The following TLN2 variants were observed in gnomAD, a reference collection of about 807,000 sequenced individuals.
The protein encoded by TLN2 is talin 2.
In TLN2, 118 loss-of-function variants were observed where a neutral mutation model predicts 294.7. The ratio of observed to expected loss-of-function variants is 0.40; its 90% CI spans 0.34 to 0.47. TLN2 has a LOEUF of 0.47. TLN2 is among the 20% of genes least tolerant of loss of function. The pLI is 0.84. For synonymous variants in TLN2, 1,431 were observed against 1,304.5 expected (o/e 1.10, Z -2.09); for missense variants, 3,083 against 3,282.2 (o/e 0.94, Z 1.48).
At chr15:62,789,283 C>T (rs535183041) in intron 45 of TLN2, among the ~76,000 whole-genome samples, 3 of 152,246 alleles carry the variant, frequency 2.0e-5, no homozygotes, top group Non-Finnish European at 4.4e-5. Flanking sequence ...GGAGGCAAAG[C>T]CCTGGGTTGA....
At chr15:62,575,763 G>A (rs2044338604) in intron 1 of TLN2, among the ~76,000 whole-genome samples, 1 of 152,202 alleles carries the variant, frequency 6.6e-6, no homozygotes, top group Admixed American at 6.5e-5. Context: ...CAGTGTTCAA[G>A]CTATAGTTTA....
chr15:62,806,086 G>A (rs1205231777), intron 51 of TLN2, among the ~76,000 whole-genome samples: 1 of 152,066 alleles, frequency 6.6e-6, no homozygotes, highest in Admixed American at 6.6e-5. Context: ...TAGCTACTCA[G>A]AATAGTAGCT....
intron 3 of TLN2, chr15:62,640,502 C>G: frequency 2.7e-6 from 1 of 377,348 alleles, no homozygotes; most frequent in Non-Finnish European, 5.2e-6. Context: ...GTGTGCAGAG[C>G]CCCCATTGTG....
intron 2 of TLN2, among the ~76,000 whole-genome samples, chr15:62,600,306 A>G (rs965694249): frequency 2.0e-5 from 3 of 152,340 alleles, no homozygotes; most frequent in African/African-American, 4.8e-5. Context: ...CTTACTTGGC[A>G]TGAACTAAAT....
chr15:62,693,031 T>C (rs2058048590), intron 13 of TLN2, 90 bp downstream of exon 13: 1 of 1,125,654 alleles, frequency 8.9e-7, no homozygotes, highest in Admixed American at 2.2e-5. Flanking sequence ...AAAAAAATCC[T>C]CTTAAATAAT....
chr15:62,649,994 C>T (rs2052402091), intron 4 of TLN2, 90 bp from the exon 5 acceptor site: 14 of 1,291,212 alleles, frequency 1.1e-5, no homozygotes, highest in Non-Finnish European at 1.6e-5. Context: ...ACACCCACAT[C>T]CTTGCTGAGT....
At position 62,593,366 on chromosome 15, in the gene TLN2, T is replaced by G. The variant is rs997177139; in HGVS notation, c.-162+3604T>G. Among the ~76,000 whole-genome samples, 9 of 152,254 alleles carry G rather than the reference T, an allele frequency of 5.9e-5. 1 individual carries two copies. Among genetic ancestry groups the G allele is most frequent in the Admixed American group, 3.3e-4 (5 of 15,284 alleles). ...TGGACCTAGGCTGCGCTCCTCACTC[T>G]GCTGTTTGTGCTTAGTAAATGTTTC... On this transcript the variant is annotated intron_variant, in intron 2 of 58. Transcript: ENST00000636159.
Position 62,419,073 on chromosome 15 carries a change from C to T in TLN2, c.-238+28388C>T, listed in dbSNP as rs370810349. ...GATCAAAATAAAGATCAAGCACTTC[C>T]GATGAAGATTTAGCATTCAGATTGA... On this transcript the variant is annotated intron_variant, in intron 1 of 58. Coordinates refer to ENST00000636159, the MANE Select transcript of TLN2 (RefSeq NM_015059.3). 3.9e-5 allele frequency among the ~76,000 whole-genome samples: 6 copies of T among 152,112 alleles called. No homozygotes were observed. In the South Asian group the frequency reaches 6.2e-4, roughly 16 times the overall value.
rs541145789 is a variant in TLN2, at chr15:62,406,379, A to G, written c.-238+15694A>G. Among the ~76,000 whole-genome samples the G allele has an allele frequency of 1.6e-3, 240 of 152,338 alleles. 4 individuals are homozygous for G. The highest frequency in any genetic ancestry group is 5.4e-3 in the African/African-American group (225 of 41,578). On this transcript the variant is annotated intron_variant, in intron 1 of 58. Coordinates refer to ENST00000636159, the MANE Select transcript of TLN2 (RefSeq NM_015059.3). The stretch of plus-strand genomic sequence containing the variant: ...TGAGGGTTCTTGGCTTTGCCCAGGA[A>G]AGAATTCAAGGGCCAGCTAGAGGTA...
intron 34 of TLN2, 85 bp downstream of exon 34, chr15:62,750,576 C>A: frequency 1.7e-6 from 2 of 1,187,212 alleles, no homozygotes; most frequent in Non-Finnish European, 2.5e-6. Flanking sequence ...GTGCATCTGC[C>A]TGTGGCTGGT....
chr15:62,708,919 A>T, intron 21 of TLN2, 123 bp downstream of exon 21: 1 of 1,173,656 alleles, frequency 8.5e-7, no homozygotes, highest in Non-Finnish European at 1.2e-6. Flanking sequence ...CTTCAGTCTC[A>T]AAGACTTCCC....
rs200219832 is a variant in TLN2 at position 62,686,818 on chromosome 15, G to A, written c.1113+22G>A. On this transcript the variant is annotated intron_variant, in intron 12 of 58. Coordinates refer to ENST00000636159, the MANE Select transcript of TLN2 (RefSeq NM_015059.3). ...ACTGGTAGGGACTGGCAGAGGGCAA[G>A]GAGAGCACTAGCGTGGCCTTGAGTG... is the stretch of plus-strand genomic sequence containing the variant. The A allele has an allele frequency of 1.3e-4, 207 of 1,611,484 alleles. No homozygotes were observed. In the East Asian group the frequency reaches 1.4e-3, roughly 11 times the overall value.
intron 1 of TLN2, among the ~76,000 whole-genome samples, chr15:62,486,452 G>GTTTTT (rs34975634): frequency 1.1e-4 from 10 of 93,290 alleles, no homozygotes; most frequent in East Asian, 2.3e-4. Context: ...CAGTTCCTTT[G>GTTTTT]TTTTTTTTTT....
At chr15:62,673,355 A>G (rs918557530) in intron 9 of TLN2, among the ~76,000 whole-genome samples, 2 of 89,310 alleles carry the variant, frequency 2.2e-5, no homozygotes, top group Admixed American at 3.5e-4. Context: ...CTAAAGTGAA[A>G]ACTACAATAA....
intron 18 of TLN2, 110 bp from the exon 19 acceptor site, chr15:62,702,656 T>G: frequency 9.5e-7 from 1 of 1,054,318 alleles, no homozygotes; most frequent in Non-Finnish European, 1.4e-6. Context: ...ATTCTCACTG[T>G]CAGACAAAGG....
At chr15:62,522,489 C>T (rs1391557483) in intron 1 of TLN2, among the ~76,000 whole-genome samples, 1 of 152,152 alleles carries the variant, frequency 6.6e-6, no homozygotes, top group Non-Finnish European at 1.5e-5. Flanking sequence ...TAGGTCTGTG[C>T]TGAATCCTGG....
At position 62,593,676 on chromosome 15, in the gene TLN2, C is replaced by T. The variant is rs1011839513; in HGVS notation, c.-162+3914C>T. On this transcript the variant is annotated intron_variant, in intron 2 of 58. Transcript: ENST00000636159. Reference sequence around the variant, plus strand: ...AACAATCACTTTTCTTTTTTAGCTGCGAAATTCCATACTGGGAAGATCTAA... The same window carrying T: ...AACAATCACTTTTCTTTTTTAGCTGTGAAATTCCATACTGGGAAGATCTAA... Among the ~76,000 whole-genome samples the T allele has an allele frequency of 6.6e-5, 10 of 152,176 alleles. No individual in the cohort carries two copies. The South Asian group carries it at 8.3e-4, about 13-fold the overall frequency.
At chr15:62,795,151 C>T (rs997137318) in intron 46 of TLN2, among the ~76,000 whole-genome samples, 1 of 152,104 alleles carries the variant, frequency 6.6e-6, no homozygotes, top group African/African-American at 2.4e-5. Context: ...CAGGATGATA[C>T]ATCCGTGCTT....
chr15:62,821,083 T>C (rs1479106188), intron 54 of TLN2, among the ~76,000 whole-genome samples: 2 of 152,254 alleles, frequency 1.3e-5, no homozygotes, highest in Non-Finnish European at 2.9e-5. Flanking sequence ...GGTATGTTTT[T>C]TCCTTCTGTG....
Sources: gnomAD v4.1 joint callset for allele counts (sites outside exome capture counted in the v4.1 genomes callset) on GRCh38, gnomAD v4.1.1 for gene constraint, MANE v1.5 for transcripts, NCBI Gene and HGNC (gene_info 2026-07-23, HGNC 2026-07-21) for gene names.